Variants in PABPC4L observed in about 807,000 individuals in gnomAD.
PABPC4L encodes poly(A) binding protein cytoplasmic 4 like.
For missense variants in PABPC4L, 452 were observed against 451.4 expected (o/e 1.00, Z -0.01); for synonymous variants, 169 against 164.1 (o/e 1.03, Z -0.23).
At chr4:134,023,896 A>G in the PABPC4L span, among the ~76,000 whole-genome samples, 1 of 152,156 alleles carries the variant, frequency 6.6e-6, no homozygotes, top group South Asian at 2.1e-4. Context: ...GTAATTGAAG[A>G]AAGTTTTGCT....
chr4:134,088,108 C>T, the PABPC4L span, among the ~76,000 whole-genome samples: 13 of 152,130 alleles, frequency 8.5e-5, no homozygotes, highest in Middle Eastern at 3.4e-3. Flanking sequence ...CTTACCTCAC[C>T]GATCTCCCCT....
chr4:134,018,689 T>C, the PABPC4L span, among the ~76,000 whole-genome samples: 2 of 152,172 alleles, frequency 1.3e-5, no homozygotes, highest in Non-Finnish European at 2.9e-5. Context: ...TTGTTTACGT[T>C]CATTGAAATT....
the PABPC4L span, among the ~76,000 whole-genome samples, chr4:134,180,057 T>C: frequency 2.6e-5 from 4 of 152,024 alleles, no homozygotes; most frequent in African/African-American, 9.7e-5. Context: ...CTAATACACA[T>C]CAACAGGACT....
At chr4:134,090,273 T>A in the PABPC4L span, among the ~76,000 whole-genome samples, 1 of 152,272 alleles carries the variant, frequency 6.6e-6, no homozygotes, top group African/African-American at 2.4e-5. Flanking sequence ...TCTCCTTAAT[T>A]GTTTGGTGTC....
At chr4:134,150,152 G>A in the PABPC4L span, among the ~76,000 whole-genome samples, 5 of 149,390 alleles carry the variant, frequency 3.3e-5, no homozygotes, top group African/African-American at 1.2e-4. Flanking sequence ...GCGCGATCTC[G>A]GCTCACTGCA....
the PABPC4L span, among the ~76,000 whole-genome samples, chr4:134,018,840 C>T: frequency 1.3e-5 from 2 of 152,012 alleles, no homozygotes; most frequent in East Asian, 3.9e-4. Context: ...CTACAGATGG[C>T]TTCAAATTTA....
chr4:134,089,887 C>T, the PABPC4L span, among the ~76,000 whole-genome samples: 4 of 152,154 alleles, frequency 2.6e-5, no homozygotes, highest in South Asian at 8.3e-4. Context: ...TGGTTGTAGG[C>T]ATCCACTACG....
the PABPC4L span, among the ~76,000 whole-genome samples, chr4:134,084,474 T>G: frequency 2.0e-5 from 3 of 152,150 alleles, no homozygotes; most frequent in African/African-American, 2.4e-5. Flanking sequence ...TGTTTTAAAT[T>G]ATGTAGCAAA....
chr4:134,012,976 G>C, the PABPC4L span, among the ~76,000 whole-genome samples: 12 of 152,184 alleles, frequency 7.9e-5, no homozygotes, highest in East Asian at 2.3e-3. Flanking sequence ...CCTTCTCTTG[G>C]TGTTTAATCA....
At chr4:134,045,384 G>C in the PABPC4L span, among the ~76,000 whole-genome samples, 296 of 152,220 alleles carry the variant, frequency 1.9e-3, 1 homozygote, top group Non-Finnish European at 2.6e-3. Context: ...AAGTGCATAG[G>C]AAGTAATTCC....
chr4:134,142,103 C>A, the PABPC4L span, among the ~76,000 whole-genome samples: 1 of 151,608 alleles, frequency 6.6e-6, no homozygotes, highest in Non-Finnish European at 1.5e-5. Flanking sequence ...GAAAAAAATG[C>A]CTATATGGCA....
At chr4:134,104,027 C>T in the PABPC4L span, among the ~76,000 whole-genome samples, 2 of 120,212 alleles carry the variant, frequency 1.7e-5, no homozygotes, top group South Asian at 6.3e-4. Context: ...TCCACATTTG[C>T]CTAGATATTG....
chr4:134,036,648 C>T, the PABPC4L span, among the ~76,000 whole-genome samples: 1 of 152,026 alleles, frequency 6.6e-6, no homozygotes, highest in Non-Finnish European at 1.5e-5. Flanking sequence ...ATTTCTTAAA[C>T]TTTTTGCTGA....
chr4:134,070,745 G>A, the PABPC4L span, among the ~76,000 whole-genome samples: 1 of 152,044 alleles, frequency 6.6e-6, no homozygotes. Context: ...CAGTCTGCTG[G>A]CAAAAGAGCT....
the PABPC4L span, among the ~76,000 whole-genome samples, chr4:134,069,458 A>G: frequency 2.0e-5 from 3 of 152,274 alleles, no homozygotes; most frequent in South Asian, 2.1e-4. Flanking sequence ...AGGGACATCA[A>G]TGACACACAT....
chr4:134,145,797 T>A, the PABPC4L span, among the ~76,000 whole-genome samples: 1 of 152,136 alleles, frequency 6.6e-6, no homozygotes, highest in Non-Finnish European at 1.5e-5. Flanking sequence ...ACAGGCAATA[T>A]AATTCTTGAG....
At chr4:133,968,144 C>T in the PABPC4L span, among the ~76,000 whole-genome samples, 1 of 152,144 alleles carries the variant, frequency 6.6e-6, no homozygotes, top group African/African-American at 2.4e-5. Context: ...TCAACCCATA[C>T]AAGACTAATG....
chr4:134,103,689 A>G, the PABPC4L span, among the ~76,000 whole-genome samples: 1 of 151,772 alleles, frequency 6.6e-6, no homozygotes, highest in South Asian at 2.1e-4. Flanking sequence ...AAGTAGATAA[A>G]GGAAAATAAA....
chr4:134,104,505 A>T, the PABPC4L span, among the ~76,000 whole-genome samples: 1 of 151,664 alleles, frequency 6.6e-6, no homozygotes, highest in Non-Finnish European at 1.5e-5. Context: ...TAAGCTTGGA[A>T]AGCTCTGATC....
Sources: gnomAD v4.1 joint callset for allele counts (sites outside exome capture counted in the v4.1 genomes callset) on GRCh38, gnomAD v4.1.1 for gene constraint, MANE v1.5 for transcripts, NCBI Gene and HGNC (gene_info 2026-07-23, HGNC 2026-07-21) for gene names.